Variants in DTD1 observed in about 807,000 individuals in gnomAD.
The protein encoded by DTD1 is D-tyrosyl-tRNA deacylase 1 homolog.
DTD1 carries 13 observed loss-of-function variants against 25.6 expected under a neutral mutation model. That is an observed-to-expected ratio of 0.51 (90% confidence interval 0.33 to 0.81). The LOEUF (loss-of-function observed/expected upper bound fraction) is 0.81, where lower values mean the gene tolerates loss of function less well. Among genes scored for constraint, DTD1 ranks in the 30% least tolerant of loss-of-function variants. The pLI is 0.02. For missense variants in DTD1, 193 were observed against 266.4 expected, an observed-to-expected ratio of 0.72 and a Z score of 1.92; for synonymous variants, 110 against 103.6, an observed-to-expected ratio of 1.06 and a Z score of -0.37.
At chr20:18,760,549 G>A (rs996940820) in intron 5 of DTD1, among the ~76,000 whole-genome samples, 3 of 152,162 alleles carry the variant, frequency 2.0e-5, no homozygotes, top group Admixed American at 2.0e-4. Flanking sequence ...GCAGAACAGT[G>A]GATATTGGTG....
intron 4 of DTD1, among the ~76,000 whole-genome samples, chr20:18,629,204 C>A (rs2060772787): frequency 6.6e-6 from 1 of 151,188 alleles, no homozygotes; most frequent in Non-Finnish European, 1.5e-5. Context: ...CCATGTTGGT[C>A]AGGCTGGTCT....
intron 2 of DTD1, among the ~76,000 whole-genome samples, chr20:18,594,491 A>G (rs186212794): frequency 4.1e-4 from 63 of 152,268 alleles, no homozygotes; most frequent in Admixed American, 7.9e-4. Context: ...TTCACTTTAT[A>G]GCTCCCATTC....
At chr20:18,712,464 G>A (rs1191902311) in intron 4 of DTD1, among the ~76,000 whole-genome samples, 1 of 152,132 alleles carries the variant, frequency 6.6e-6, no homozygotes, top group Non-Finnish European at 1.5e-5. Context: ...CAGCAAGACT[G>A]TCCTTGCTCC....
intron 4 of DTD1, among the ~76,000 whole-genome samples, chr20:18,741,321 TGAG>T (rs2061277254): frequency 6.6e-6 from 1 of 152,144 alleles, no homozygotes; most frequent in African/African-American, 2.4e-5. Context: ...AGCTCACAGT[TGAG>T]AAGAAATCTC....
intron 4 of DTD1, among the ~76,000 whole-genome samples, chr20:18,654,336 C>T (rs2060884462): frequency 6.6e-6 from 1 of 152,178 alleles, no homozygotes; most frequent in Non-Finnish European, 1.5e-5. Context: ...TTGTTCCTTC[C>T]ACTTCTGCCA....
intron 3 of DTD1, among the ~76,000 whole-genome samples, chr20:18,611,690 CTGTG>C (rs2060687050): frequency 6.6e-6 from 1 of 152,136 alleles, no homozygotes; most frequent in Non-Finnish European, 1.5e-5. Flanking sequence ...ATGGTCCCTG[CTGTG>C]ATGCATGTGC....
chr20:18,614,533 T>G (rs2060701306), intron 3 of DTD1, among the ~76,000 whole-genome samples: 1 of 152,088 alleles, frequency 6.6e-6, no homozygotes, highest in Non-Finnish European at 1.5e-5. Context: ...TTCAAGAGGT[T>G]CAGGGACAGA....
At chr20:18,711,781 C>T (rs931254177) in intron 4 of DTD1, among the ~76,000 whole-genome samples, 2 of 152,144 alleles carry the variant, frequency 1.3e-5, no homozygotes, top group African/African-American at 2.4e-5. Context: ...CACAGTGGCT[C>T]ATGCCTGTAA....
At chr20:18,725,708 T>G (rs562309474) in intron 4 of DTD1, among the ~76,000 whole-genome samples, 1 of 152,340 alleles carries the variant, frequency 6.6e-6, no homozygotes, top group African/African-American at 2.4e-5. Flanking sequence ...CAAGTCACCC[T>G]CTGCTTACAG....
chr20:18,734,416 CA>C (rs1399946888), intron 4 of DTD1, among the ~76,000 whole-genome samples: 2 of 152,204 alleles, frequency 1.3e-5, no homozygotes, highest in African/African-American at 4.8e-5. Context: ...AGTTTGAGTG[CA>C]AGTCTCCATC....
Position 18,626,750 on chromosome 20 carries a change from A to G in DTD1, c.371-1377A>G, listed in dbSNP as rs542658674. 4.0e-5 allele frequency among the ~76,000 whole-genome samples: 6 copies of G among 150,654 alleles called. No homozygotes were observed. The East Asian group carries it at 9.6e-4, about 24-fold the overall frequency. ...GGATGGAAATTCACATAATAGTTCT[A>G]TTCTTAACTGAAGAAAAACAGGAAA... is the stretch of plus-strand genomic sequence containing the variant. On this transcript the variant is annotated intron_variant, in intron 3 of 5. Transcript: ENST00000377452.
chr20:18,727,215 C>T (rs2061225555), intron 4 of DTD1, among the ~76,000 whole-genome samples: 1 of 152,216 alleles, frequency 6.6e-6, no homozygotes, highest in Non-Finnish European at 1.5e-5. Context: ...TGGATTCCCC[C>T]ACGGCTCCCG....
At chr20:18,682,159 AG>A (rs1438356052) in intron 4 of DTD1, among the ~76,000 whole-genome samples, 1 of 152,208 alleles carries the variant, frequency 6.6e-6, no homozygotes, top group East Asian at 1.9e-4. Context: ...ATCTACTGAG[AG>A]GGGGAACCCG....
intron 4 of DTD1, among the ~76,000 whole-genome samples, chr20:18,672,878 G>T (rs542608226): frequency 6.6e-6 from 1 of 152,200 alleles, no homozygotes; most frequent in Non-Finnish European, 1.5e-5. Context: ...TGATAAGCCA[G>T]ACAGGTGCTG....
chr20:18,703,515 C>A (rs2061113595), intron 4 of DTD1, among the ~76,000 whole-genome samples: 1 of 151,982 alleles, frequency 6.6e-6, no homozygotes, highest in Non-Finnish European at 1.5e-5. Flanking sequence ...AGCCTAGAGA[C>A]CAGTTGATAA....
At chr20:18,699,940 G>A (rs190242887) in intron 4 of DTD1, among the ~76,000 whole-genome samples, 257 of 152,308 alleles carry the variant, frequency 1.7e-3, no homozygotes, top group Non-Finnish European at 2.9e-3. Flanking sequence ...ATCAAAACCA[G>A]CAAGTTACTG....
intron 4 of DTD1, among the ~76,000 whole-genome samples, chr20:18,666,593 C>T (rs766828634): frequency 6.6e-6 from 1 of 152,096 alleles, no homozygotes; most frequent in Non-Finnish European, 1.5e-5. Flanking sequence ...AATCTGGCAA[C>T]CCTATTTGGA....
intron 4 of DTD1, among the ~76,000 whole-genome samples, chr20:18,728,036 A>G (rs1039805212): frequency 2.0e-5 from 3 of 152,158 alleles, no homozygotes; most frequent in African/African-American, 7.2e-5. Flanking sequence ...AGTGGCAGGA[A>G]CATTGTGAGT....
chr20:18,691,811 T>C (rs984199356), intron 4 of DTD1, among the ~76,000 whole-genome samples: 1 of 152,182 alleles, frequency 6.6e-6, no homozygotes, highest in Admixed American at 6.5e-5. Context: ...GGCTAGTGGC[T>C]ACCATATTGG....
Sources: allele counts gnomAD v4.1 joint callset (sites outside exome capture counted in the v4.1 genomes callset), GRCh38; gene constraint gnomAD v4.1.1; transcripts MANE v1.5; gene names NCBI Gene and HGNC (gene_info 2026-07-23, HGNC 2026-07-21).